Variants in TYW1B observed in about 807,000 individuals in gnomAD.
TYW1B encodes S-adenosyl-L-methionine-dependent tRNA 4-demethylwyosine synthase TYW1B.
Under a neutral mutation model 86.9 loss-of-function variants are expected in TYW1B, and 73 were observed. The observed-to-expected ratio is 0.84, with a 90% CI of 0.70 to 1.02. The LOEUF (loss-of-function observed/expected upper bound fraction) is 1.02. Ranked by LOEUF, TYW1B falls within the 50% of genes least tolerant of loss-of-function variation. The probability of loss-of-function intolerance (pLI) is 0.00; values close to 1 mark genes in which losing one functional copy is unlikely to be tolerated. For missense variants in TYW1B, 637 were observed against 827.4 expected (o/e 0.77, Z 2.82); for synonymous variants, 248 against 292.8 (o/e 0.85, Z 1.56).
chr7:72,664,575 G>A (rs1813416160), intron 11 of TYW1B, among the ~76,000 whole-genome samples: 1 of 152,074 alleles, frequency 6.6e-6, no homozygotes, highest in Admixed American at 6.6e-5. Context: ...ACATAGAGAG[G>A]AACAACACAC....
chr7:72,575,751 T>C, intron 13 of TYW1B, 32 bp from the exon 14 acceptor site: 2 of 1,580,022 alleles, frequency 1.3e-6, no homozygotes, highest in Non-Finnish European at 8.6e-7. Context: ...AAGTCAGAAG[T>C]AAAAACATCC....
intron 8 of TYW1B, among the ~76,000 whole-genome samples, chr7:72,732,995 A>AG (rs1563075567): frequency 6.6e-6 from 1 of 152,166 alleles, no homozygotes; most frequent in Non-Finnish European, 1.5e-5. Flanking sequence ...GAAAACCTAG[A>AG]GGAAACGTAG....
chr7:72,759,519 C>G (rs933148852), intron 7 of TYW1B, among the ~76,000 whole-genome samples: 3 of 152,176 alleles, frequency 2.0e-5, no homozygotes, highest in African/African-American at 4.8e-5. Flanking sequence ...GCCCATTCTT[C>G]TGCACATTTT....
At chr7:72,588,566 TC>T (rs1203385330) in intron 13 of TYW1B, among the ~76,000 whole-genome samples, 1 of 152,068 alleles carries the variant, frequency 6.6e-6, no homozygotes, top group African/African-American at 2.4e-5. Flanking sequence ...AAGGAGGAGG[TC>T]CCTGTGATCA....
At chr7:72,734,446 A>G (rs1190262165) in intron 8 of TYW1B, among the ~76,000 whole-genome samples, 1 of 152,138 alleles carries the variant, frequency 6.6e-6, no homozygotes, top group Non-Finnish European at 1.5e-5. Context: ...AATATACAAA[A>G]ATCAACTCAA....
intron 11 of TYW1B, among the ~76,000 whole-genome samples, chr7:72,637,697 A>C (rs1812705745): frequency 6.6e-6 from 1 of 151,840 alleles, no homozygotes; most frequent in Admixed American, 6.6e-5. Flanking sequence ...TTTTTAAAAA[A>C]AAAAAAAAAC....
chr7:72,675,619 T>TAC (rs1420076756), intron 11 of TYW1B, among the ~76,000 whole-genome samples: 1 of 150,992 alleles, frequency 6.6e-6, no homozygotes, highest in East Asian at 1.9e-4. Context: ...GCACTGTATA[T>TAC]ACACACACAC....
At chr7:72,711,757 G>T (rs1470277491) in intron 10 of TYW1B, among the ~76,000 whole-genome samples, 15 of 151,790 alleles carry the variant, frequency 9.9e-5, no homozygotes, top group African/African-American at 3.6e-4. Flanking sequence ...AAAGTGCTGG[G>T]ATTACAGGCG....
intron 13 of TYW1B, among the ~76,000 whole-genome samples, chr7:72,577,971 T>C (rs545459298): frequency 1.3e-5 from 2 of 152,322 alleles, no homozygotes; most frequent in African/African-American, 4.8e-5. Context: ...CTCACTGTCC[T>C]GAACTTCCAC....
intron 11 of TYW1B, among the ~76,000 whole-genome samples, chr7:72,640,496 A>C (rs1162581726): frequency 6.6e-6 from 1 of 152,002 alleles, no homozygotes; most frequent in Non-Finnish European, 1.5e-5. Flanking sequence ...AAAAAGAAAA[A>C]AGTTGTACTA....
At chr7:72,592,921 A>G (rs1811430160) in intron 13 of TYW1B, among the ~76,000 whole-genome samples, 1 of 152,242 alleles carries the variant, frequency 6.6e-6, no homozygotes. Flanking sequence ...AATTGAAAGG[A>G]GAAATGACAA....
At chr7:72,647,193 G>A (rs1489205990) in intron 11 of TYW1B, among the ~76,000 whole-genome samples, 2 of 152,146 alleles carry the variant, frequency 1.3e-5, no homozygotes, top group Non-Finnish European at 2.9e-5. Flanking sequence ...TTTTTAAACA[G>A]CAATATTCAG....
rs1193121964 is a variant in TYW1B at position 72,828,144 on chromosome 7, G to A, written c.-69C>T. 5.0e-6 allele frequency: 8 copies of A among 1,604,878 alleles called. No individual in the cohort carries two copies. In the African/African-American group the frequency reaches 9.4e-5, roughly 19 times the overall value. On this transcript the variant is annotated 5_prime_UTR_variant, in exon 1 of 14. Coordinates refer to ENST00000620995, the MANE Select transcript of TYW1B (RefSeq NM_001145440.3). ...GCCCAAAGGTTCGCACTGGTACTGC[G>A]AGACGCACCGAGCTACCTCGCGGCG...
intron 7 of TYW1B, among the ~76,000 whole-genome samples, chr7:72,749,522 A>G (rs1379944691): frequency 1.3e-5 from 2 of 152,052 alleles, no homozygotes; most frequent in African/African-American, 2.4e-5. Flanking sequence ...TCTATCTCCC[A>G]ACCTCGTGAT....
At chr7:72,807,432 A>G in intron 4 of TYW1B, 76 bp from the exon 5 acceptor site, 2 of 1,534,570 alleles carry the variant, frequency 1.3e-6, no homozygotes, top group South Asian at 1.3e-5. Flanking sequence ...GCAAAAGCCC[A>G]AAGTCCTTCT....
chr7:72,669,978 A>T (rs1813557703), intron 11 of TYW1B, among the ~76,000 whole-genome samples: 1 of 141,854 alleles, frequency 7.0e-6, no homozygotes, highest in East Asian at 2.1e-4. Flanking sequence ...TAAATAAATA[A>T]AGATTAGCTG....
intron 7 of TYW1B, among the ~76,000 whole-genome samples, chr7:72,754,108 A>C (rs1428473668): frequency 2.6e-5 from 4 of 152,036 alleles, no homozygotes; most frequent in Non-Finnish European, 1.5e-5. Context: ...AAATAATAAC[A>C]ATAACCGCTA....
chr7:72,627,544 C>G (rs1563036322), intron 12 of TYW1B, among the ~76,000 whole-genome samples: 1 of 151,868 alleles, frequency 6.6e-6, no homozygotes. Flanking sequence ...AATGTCATCT[C>G]AGAAAAGCTT....
rs369461644 is a variant in TYW1B at position 72,808,817 on chromosome 7, G to A, written c.433-1461C>T. On this transcript the variant is annotated intron_variant, in intron 4 of 13. Transcript: ENST00000620995. ...GCTGGCATTACAGGCTTGTGCCACT[G>A]CACCCGGCCGTAAACAGCTTTTAAA... Among the ~76,000 whole-genome samples the A allele has an allele frequency of 1.3e-4, 19 of 151,814 alleles. 1 individual carries two copies. The highest frequency in any genetic ancestry group is 4.1e-4 in the African/African-American group (17 of 41,428).
Sources: gnomAD v4.1 joint callset for allele counts (sites outside exome capture counted in the v4.1 genomes callset) on GRCh38, gnomAD v4.1.1 for gene constraint, MANE v1.5 for transcripts, NCBI Gene and HGNC (gene_info 2026-07-23, HGNC 2026-07-21) for gene names.